The following NFKBIE variants were observed in gnomAD, a reference collection of about 807,000 sequenced individuals.
NFKBIE encodes the protein NF-kappa-B inhibitor epsilon.
Under a neutral mutation model 31.6 loss-of-function variants are expected in NFKBIE, and 11 were observed. That is an observed-to-expected ratio of 0.35 (90% CI 0.22 to 0.58). The LOEUF is 0.58. Among genes scored for constraint, NFKBIE ranks in the 20% least tolerant of loss-of-function variants. The probability of loss-of-function intolerance (pLI) is 0.83; values close to 1 mark genes in which losing one functional copy is unlikely to be tolerated. For synonymous variants in NFKBIE, 208 were observed against 210.1 expected (o/e 0.99, Z 0.09); for missense variants, 354 against 465.7 (o/e 0.76, Z 2.21).
At position 44,260,508 on chromosome 6, in the gene NFKBIE, C is replaced by T. The variant is rs1781858775; in HGVS notation, c.723G>A (p.Gln241=). 1 of 1,614,090 alleles carries T rather than the reference C, an allele frequency of 6.2e-7. No homozygotes were observed. The highest frequency in any genetic ancestry group is 8.5e-7 in the Non-Finnish European group (1 of 1,180,014). ...GCAATTCCATGAGTGGTTGGTTCTTCTGAAGGGTGGCAATGTGGAGACAAG... is the reference window on the plus strand; with the variant it reads ...GCAATTCCATGAGTGGTTGGTTCTTTTGAAGGGTGGCAATGTGGAGACAAG... ...GLACLHIATL[Q]KNQPLMELLL... The change falls in exon 4 of 6, where the codon CAG becomes CAA. Residue 241 remains glutamine (Q), a synonymous_variant. Transcript: ENST00000619360. This position sits in a 1 kb window ranked among gnomAD's most constrained non-coding sequence, Gnocchi z 5.5.
chr6:44,261,653 G>A lies in NFKBIE; in HGVS notation c.664C>T (p.Leu222=), dbSNP rs528210770. ...TGCCAGTTTTGCAGCTGGAGGTCCAGAGAGTGAGATGTTCCTCTGCCTGGC... is the reference window on the plus strand; with the variant it reads ...TGCCAGTTTTGCAGCTGGAGGTCCAAAGAGTGAGATGTTCCTCTGCCTGGC... The part of the protein sequence containing the change: ...PEPGRGTSHS[L]DLQLQNWQGL... The change falls in exon 3 of 6, where the codon CTG becomes TTG. Residue 222 remains leucine (L), a synonymous_variant. Coordinates refer to ENST00000619360, the MANE Select transcript of NFKBIE (RefSeq NM_004556.3). The surrounding 1 kb of genome is among the most constrained non-coding windows in gnomAD (Gnocchi z 4.3). 1.2e-6 allele frequency: 2 copies of A among 1,614,216 alleles called. No homozygotes were observed. Among genetic ancestry groups the A allele is most frequent in the East Asian group, 4.5e-5 (2 of 44,888 alleles).
chr6:44,259,422 C>T (rs1174944896), intron 5 of NFKBIE, 138 bp from the exon 6 acceptor site: 11 of 661,992 alleles, frequency 1.7e-5, no homozygotes, highest in South Asian at 1.4e-4. Context: ...CAAATCTTCA[C>T]ACGAATCCTC....
rs1317393203 is a variant in NFKBIE at position 44,260,866 on chromosome 6, C to CACACACATACAG, written c.692-328_692-327insCTGTATGTGTGT. Among the ~76,000 whole-genome samples, 28 of 142,970 alleles carry CACACACATACAG rather than the reference C, an allele frequency of 2.0e-4. No homozygotes were observed. Among genetic ancestry groups the CACACACATACAG allele is most frequent in the African/African-American group, 4.2e-4 (16 of 38,376 alleles). 93.8% of individuals were successfully genotyped at this position (142,970 alleles called of 152,430 possible). ...ACACACACACACACATACAGACACA[C>CACACACATACAG]ACACACACACACACACACACACACA... On this transcript the variant is annotated intron_variant, in intron 3 of 5. Coordinates refer to ENST00000619360, the MANE Select transcript of NFKBIE (RefSeq NM_004556.3). This position sits in a 1 kb window ranked among gnomAD's most constrained non-coding sequence, Gnocchi z 5.5.
chr6:44,264,877 G>T (rs1782058955), intron 1 of NFKBIE, 105 bp downstream of exon 1: 3 of 1,229,652 alleles, frequency 2.4e-6, no homozygotes, highest in Non-Finnish European at 3.4e-6. Flanking sequence ...AAGAGCGAAT[G>T]GGGACTTGAA....
rs1781903426 is a variant in NFKBIE at position 44,261,125 on chromosome 6, C to T, written c.691+501G>A. Among the ~76,000 whole-genome samples, 2 of 152,214 alleles carry T rather than the reference C, an allele frequency of 1.3e-5. No individual in the cohort carries two copies. Among genetic ancestry groups the T allele is most frequent in the Non-Finnish European group, 2.9e-5 (2 of 68,028 alleles). On this transcript the variant is annotated intron_variant, in intron 3 of 5. Transcript: ENST00000619360. The surrounding 1 kb of genome is among the most constrained non-coding windows in gnomAD (Gnocchi z 4.3). ...GATGTCACTGGCTCCATGAGGCCTTCCCGGACCACCCTATTTAACAATCAT... is the reference window on the plus strand; with the variant it reads ...GATGTCACTGGCTCCATGAGGCCTTTCCGGACCACCCTATTTAACAATCAT...
At position 44,260,661 on chromosome 6, in the gene NFKBIE, C is replaced by T; in HGVS notation, c.692-122G>A. On this transcript the variant is annotated intron_variant, in intron 3 of 5. Transcript: ENST00000619360. This position sits in a 1 kb window ranked among gnomAD's most constrained non-coding sequence, Gnocchi z 5.5. ...ACAGCCCACTCAATGTCTCTAATCACAAGACTGTTAAAATGCAAACCCCAA... is the reference window on the plus strand; with the variant it reads ...ACAGCCCACTCAATGTCTCTAATCATAAGACTGTTAAAATGCAAACCCCAA... 2 of 913,382 alleles carry T rather than the reference C, an allele frequency of 2.2e-6. No individual in the cohort carries two copies. The highest frequency in any genetic ancestry group is 2.0e-5 in the Admixed American group (1 of 49,938). The allele number at this position is 913,382 out of a possible 1,614,324, so 56.6% of individuals were successfully genotyped here. A position where few individuals can be genotyped will look rare whatever the true frequency, so the allele number is the denominator to read the frequency against.
At position 44,261,585 on chromosome 6, in the gene NFKBIE, A is replaced by G. The variant is rs376295183; in HGVS notation, c.691+41T>C. On this transcript the variant is annotated intron_variant, in intron 3 of 5. Transcript: ENST00000619360. The surrounding 1 kb of genome is among the most constrained non-coding windows in gnomAD (Gnocchi z 4.3). ...GGTCCCTATCTCCTATGCCCTCCTC[A>G]TCCCACAGGCCCTAAGGGCAGTCTT... 82 of 1,597,564 alleles carry G rather than the reference A, an allele frequency of 5.1e-5. 1 individual carries two copies. In the East Asian group the frequency reaches 6.5e-4, roughly 13 times the overall value.
At chr6:44,262,486 G>T in intron 2 of NFKBIE, 74 bp downstream of exon 2, 2 of 1,303,210 alleles carry the variant, frequency 1.5e-6, no homozygotes, top group Non-Finnish European at 2.2e-6. Context: ...GCAGCCTTTG[G>T]ACTGGTATGG....
Position 44,261,948 on chromosome 6 carries a change from G to C in NFKBIE, c.469-100C>G, listed in dbSNP as rs1282352614. The C allele has an allele frequency of 9.2e-7, 1 of 1,085,150 alleles. No individual in the cohort carries two copies. Among genetic ancestry groups the C allele is most frequent in the Non-Finnish European group, 1.3e-6 (1 of 769,296 alleles). 67.2% of individuals were successfully genotyped at this position (1,085,150 alleles called of 1,614,324 possible). ...ATCACCAGCTGCCAGCATCTTCTTT[G>C]AAAGCAGCTTATAAAGGCCATAACC... On this transcript the variant is annotated intron_variant, in intron 2 of 5. Coordinates refer to ENST00000619360, the MANE Select transcript of NFKBIE (RefSeq NM_004556.3). The surrounding 1 kb of genome is among the most constrained non-coding windows in gnomAD (Gnocchi z 4.3).
intron 5 of NFKBIE, among the ~76,000 whole-genome samples, chr6:44,259,705 G>A (rs867256162): frequency 5.9e-5 from 9 of 152,110 alleles, no homozygotes; most frequent in African/African-American, 1.9e-4. Flanking sequence ...CCAAGACCAG[G>A]AAAAACTGGG....
Position 44,259,172 on chromosome 6 carries a change from T to C in NFKBIE, c.*47A>G, listed in dbSNP as rs202139935. On this transcript the variant is annotated 3_prime_UTR_variant, in exon 6 of 6. Transcript: ENST00000619360. ...AACTGCAGCAGTTATGGCTCCGGCT[T>C]CCAGATGGAGAGGTGGAGCCCTGAG... The C allele has an allele frequency of 2.4e-5, 39 of 1,604,926 alleles. No homozygotes were observed. Among genetic ancestry groups the C allele is most frequent in the Non-Finnish European group, 3.2e-5 (38 of 1,172,506 alleles).
In NFKBIE at chr6:44,260,241, T is replaced by A. The variant is rs1373848640; in HGVS notation, c.822A>T (p.Glu274Asp). The change falls in exon 5 of 6, where the codon GAA (glutamate) becomes GAT (aspartate). Residue 274 changes from glutamate (E) to aspartate (D), a missense_variant. By Grantham distance (45) the Glu-to-Asp change is conservative. Coordinates refer to ENST00000619360, the MANE Select transcript of NFKBIE (RefSeq NM_004556.3). The surrounding 1 kb of genome is among the most constrained non-coding windows in gnomAD (Gnocchi z 5.5). ...SGKTALHLAV[E>D]TQERGLVQFL... The stretch of plus-strand genomic sequence containing the variant: ...ACTGTACCAGGCCCCGCTCTTGGGT[T>A]TCCACAGCCAGGTGCAGCGCTGTCT... 1.3e-5 allele frequency: 21 copies of A among 1,613,426 alleles called. No individual in the cohort carries two copies. The highest frequency in any genetic ancestry group is 1.7e-5 in the Non-Finnish European group (20 of 1,179,402).
rs70993447 is a variant in NFKBIE, at chr6:44,260,862, C to CAT, written c.692-324_692-323insAT. On this transcript the variant is annotated intron_variant, in intron 3 of 5. Coordinates refer to ENST00000619360, the MANE Select transcript of NFKBIE (RefSeq NM_004556.3). The surrounding 1 kb of genome is among the most constrained non-coding windows in gnomAD (Gnocchi z 5.5). ...ACACACACACACACACACATACAGA[C>CAT]ACACACACACACACACACACACACA... Among the ~76,000 whole-genome samples, 804 of 15,550 alleles carry CAT rather than the reference C, an allele frequency of 0.052. 5 individuals are homozygous for CAT. The highest frequency in any genetic ancestry group is 0.17 in the African/African-American group (372 of 2,138). 10.2% of individuals were successfully genotyped at this position (15,550 alleles called of 152,430 possible). A position where few individuals can be genotyped will look rare whatever the true frequency, so the allele number is the denominator to read the frequency against.
At position 44,260,514 on chromosome 6, in the gene NFKBIE, G is replaced by A; in HGVS notation, c.717C>T (p.Thr239=). Residue 239 remains threonine, a synonymous_variant, in exon 4 of 6, where the codon ACC becomes ACT. Transcript: ENST00000619360. This position sits in a 1 kb window ranked among gnomAD's most constrained non-coding sequence, Gnocchi z 5.5. ...WQGLACLHIA[T]LQKNQPLMEL... ...CCATGAGTGGTTGGTTCTTCTGAAG[G>A]GTGGCAATGTGGAGACAAGCCAGAC... The A allele has an allele frequency of 6.2e-7, 1 of 1,614,084 alleles. No homozygotes were observed. Among genetic ancestry groups the A allele is most frequent in the Non-Finnish European group, 8.5e-7 (1 of 1,180,002 alleles).
rs1781936510 is a variant in NFKBIE at position 44,261,901 on chromosome 6, G to A, written c.469-53C>T. ...GCCACTGCAGCATGCTCCCACCTCT[G>A]GGAACATGCTTGGGCTCAAGAATCA... On this transcript the variant is annotated intron_variant, in intron 2 of 5. Coordinates refer to ENST00000619360, the MANE Select transcript of NFKBIE (RefSeq NM_004556.3). The surrounding 1 kb of genome is among the most constrained non-coding windows in gnomAD (Gnocchi z 4.3). 8 of 1,505,258 alleles carry A rather than the reference G, an allele frequency of 5.3e-6. No homozygotes were observed. Among genetic ancestry groups the A allele is most frequent in the South Asian group, 4.7e-5 (4 of 85,812 alleles). 93.2% of individuals were successfully genotyped at this position (1,505,258 alleles called of 1,614,324 possible).
At chr6:44,259,486 C>T (rs1781812828) in intron 5 of NFKBIE, among the ~76,000 whole-genome samples, 1 of 151,822 alleles carries the variant, frequency 6.6e-6, no homozygotes, top group Admixed American at 6.6e-5. Context: ...GACAAGCCTT[C>T]CTTTTCTAAG....
In NFKBIE at chr6:44,261,511, G is replaced by T; in HGVS notation, c.691+115C>A. 3.1e-6 allele frequency: 3 copies of T among 972,096 alleles called. No individual in the cohort carries two copies. Among genetic ancestry groups the T allele is most frequent in the African/African-American group, 1.6e-5 (1 of 61,896 alleles). The allele number at this position is 972,096 out of a possible 1,614,324, so 60.2% of individuals were successfully genotyped here. ...TACTGAATATCTATGTGCTTACAGT[G>T]GGAGGGGCACCAATGGACAAGCTGG... On this transcript the variant is annotated intron_variant, in intron 3 of 5. Transcript: ENST00000619360. This position sits in a 1 kb window ranked among gnomAD's most constrained non-coding sequence, Gnocchi z 4.3.
intron 1 of NFKBIE, 85 bp downstream of exon 1, chr6:44,264,897 C>T (rs558033781): frequency 1.4e-6 from 2 of 1,417,148 alleles, no homozygotes; most frequent in Admixed American, 2.0e-5. Flanking sequence ...AGGATCTTCA[C>T]GGGGGAGTGG....
In NFKBIE at chr6:44,265,020, C is replaced by T; in HGVS notation, c.327G>A (p.Gln109=). The change falls in exon 1 of 6, where the codon CAG becomes CAA. Residue 109 remains glutamine (Q), a synonymous_variant. Coordinates refer to ENST00000619360, the MANE Select transcript of NFKBIE (RefSeq NM_004556.3). ...CGGAGATGTAAGTGAGTGCTTCCAG[C>T]TGCTGAGGGCTCAGCGCCCCCACGT... ...LPHVGALSPQ[Q]LEALTYISED... 6.3e-7 allele frequency: 1 copy of T among 1,585,314 alleles called. No individual in the cohort carries two copies. The highest frequency in any genetic ancestry group is 1.2e-5 in the South Asian group (1 of 86,578).
Sources: allele counts gnomAD v4.1 joint callset (sites outside exome capture counted in the v4.1 genomes callset), GRCh38; gene constraint gnomAD v4.1.1; non-coding constraint Gnocchi (gnomAD v3.1); transcripts MANE v1.5; gene names NCBI Gene and HGNC (gene_info 2026-07-23, HGNC 2026-07-21).